SRBD1: variants seen among roughly 807,000 people sequenced by gnomAD.
SRBD1 encodes S1 RNA-binding domain-containing protein 1.
A neutral mutation model predicts 115.3 loss-of-function variants in SRBD1; 88 were observed. That is an observed-to-expected ratio of 0.76 (90% confidence interval 0.64 to 0.91). The LOEUF is 0.91. Ranked by LOEUF, SRBD1 falls within the 40% of genes least tolerant of loss-of-function variation. SRBD1 has a pLI of 0.00. For missense variants in SRBD1, 1,385 were observed against 1,177.4 expected (o/e 1.18, Z -2.58); for synonymous variants, 509 against 407.7 (o/e 1.25, Z -2.99).
At chr2:45,474,960 A>G (rs1362314587) in intron 16 of SRBD1, among the ~76,000 whole-genome samples, 6 of 152,208 alleles carry the variant, frequency 3.9e-5, no homozygotes, top group Admixed American at 2.6e-4. Flanking sequence ...TCATTAATTC[A>G]GCCCACCATC....
intron 14 of SRBD1, among the ~76,000 whole-genome samples, chr2:45,513,520 G>A (rs994709856): frequency 4.6e-5 from 7 of 151,812 alleles, no homozygotes; most frequent in Admixed American, 6.6e-5. Context: ...CATAAAAGTT[G>A]AAGAAGATGA....
intron 16 of SRBD1, among the ~76,000 whole-genome samples, chr2:45,465,420 A>G (rs1302687073): frequency 6.6e-6 from 1 of 152,136 alleles, no homozygotes. Flanking sequence ...GTGTATATAT[A>G]TATAAATGCA....
intron 7 of SRBD1, 89 bp downstream of exon 7, chr2:45,579,786 T>C (rs1673287909): frequency 3.2e-5 from 45 of 1,388,292 alleles, no homozygotes; most frequent in Non-Finnish European, 4.3e-5. Context: ...GTATAATCAG[T>C]ACTTAACAAA....
intron 9 of SRBD1, among the ~76,000 whole-genome samples, chr2:45,567,608 A>G (rs1051373320): frequency 1.2e-4 from 18 of 151,814 alleles, no homozygotes; most frequent in African/African-American, 3.6e-4. Flanking sequence ...GATACTGTCT[A>G]AGAAAAAAAA....
intron 3 of SRBD1, among the ~76,000 whole-genome samples, chr2:45,601,038 A>G (rs933278106): frequency 6.6e-6 from 1 of 152,164 alleles, no homozygotes; most frequent in African/African-American, 2.4e-5. Flanking sequence ...AAGATAAAAT[A>G]ACTCCCAGGC....
At chr2:45,400,684 C>G (rs3770243) in intron 19 of SRBD1, among the ~76,000 whole-genome samples, 95,275 of 151,572 alleles carry the variant, frequency 0.63, 30,484 homozygotes, top group Non-Finnish European at 0.69. Context: ...ACAAAAATAA[C>G]AGCAATAATA....
chr2:45,605,694 A>T, intron 1 of SRBD1, among the ~76,000 whole-genome samples: 1 of 152,282 alleles, frequency 6.6e-6, no homozygotes, highest in Admixed American at 6.5e-5. Context: ...ACCTGAAGTC[A>T]GGAGTTCGAG....
intron 16 of SRBD1, among the ~76,000 whole-genome samples, chr2:45,464,914 C>T (rs773632921): frequency 7.3e-5 from 11 of 149,736 alleles, no homozygotes; most frequent in Non-Finnish European, 8.9e-5. Context: ...GTGGTTTTAC[C>T]GACATCTTTA....
rs867513115 is a variant in SRBD1, at chr2:45,599,810, G to A, written c.287C>T (p.Thr96Ile). 2 of 1,613,218 alleles carry A rather than the reference G, an allele frequency of 1.2e-6. No individual in the cohort carries two copies. The highest frequency in any genetic ancestry group is 1.7e-6 in the Non-Finnish European group (2 of 1,179,904). Reference protein sequence around the residue: ...ELNSSVAIADTALEDRKNKLD... With the variant: ...ELNSSVAIADIALEDRKNKLD... Reference sequence around the variant, plus strand: ...TTTATTTTTTCTGTCTTCTAAAGCAGTATCAGCAATAGCCACAGAGCTATT... The same window carrying A: ...TTTATTTTTTCTGTCTTCTAAAGCAATATCAGCAATAGCCACAGAGCTATT... The change falls in exon 4 of 21, where the codon ACT becomes ATT. Residue 96 changes from threonine to isoleucine, a missense_variant. Transcript: ENST00000263736.
chr2:45,581,577 T>A, intron 6 of SRBD1, 116 bp downstream of exon 6: 1 of 704,308 alleles, frequency 1.4e-6, no homozygotes, highest in South Asian at 2.1e-5. Flanking sequence ...TTTGTTGCAT[T>A]AAATAATGGT....
intron 16 of SRBD1, among the ~76,000 whole-genome samples, chr2:45,460,651 G>T (rs1454865575): frequency 2.0e-5 from 3 of 152,146 alleles, no homozygotes; most frequent in African/African-American, 7.2e-5. Flanking sequence ...CAACTCCCAA[G>T]AATAACTTCT....
intron 19 of SRBD1, among the ~76,000 whole-genome samples, chr2:45,401,031 C>G (rs752628489): frequency 1.3e-4 from 20 of 152,158 alleles, no homozygotes; most frequent in Admixed American, 3.3e-4. Context: ...AATCCATAGC[C>G]TGATCATCTA....
chr2:45,425,760 A>AGCTGTGAGGGACCGT (rs1329642647), intron 16 of SRBD1, among the ~76,000 whole-genome samples: 8 of 152,194 alleles, frequency 5.3e-5, no homozygotes, highest in African/African-American at 1.9e-4. Context: ...AGCCAAGGGA[A>AGCTGTGAGGGACCGT]GCTGTGAGGG....
At chr2:45,601,850 T>C in intron 3 of SRBD1, 53 bp downstream of exon 3, 1 of 1,585,882 alleles carries the variant, frequency 6.3e-7, no homozygotes. Flanking sequence ...GAAAATAACA[T>C]CACCAATCAG....
chr2:45,523,015 TA>T (rs1012699723), intron 14 of SRBD1, among the ~76,000 whole-genome samples: 1 of 151,852 alleles, frequency 6.6e-6, no homozygotes, highest in Non-Finnish European at 1.5e-5. Flanking sequence ...TCTGAAATCT[TA>T]AAAAAACTTC....
intron 14 of SRBD1, among the ~76,000 whole-genome samples, chr2:45,503,828 G>A (rs932736969): frequency 2.6e-5 from 4 of 152,142 alleles, no homozygotes; most frequent in African/African-American, 7.2e-5. Flanking sequence ...AATCCAAAGA[G>A]GAGGAGGCTT....
intron 20 of SRBD1, among the ~76,000 whole-genome samples, chr2:45,390,970 C>T (rs1166689783): frequency 6.6e-6 from 1 of 152,138 alleles, no homozygotes; most frequent in African/African-American, 2.4e-5. Flanking sequence ...CAGGCTAAGG[C>T]TGTGTCAAAG....
intron 1 of SRBD1, among the ~76,000 whole-genome samples, chr2:45,607,726 T>G (rs1290346585): frequency 6.6e-6 from 1 of 152,170 alleles, no homozygotes; most frequent in Admixed American, 6.5e-5. Flanking sequence ...TATCTCTAAG[T>G]GTCCTACCTC....
chr2:45,428,555 AAAATAAAT>A (rs986693164), intron 16 of SRBD1, among the ~76,000 whole-genome samples: 10 of 150,488 alleles, frequency 6.6e-5, no homozygotes, highest in African/African-American at 1.7e-4. Flanking sequence ...CCGTCTCAAA[AAAATAAAT>A]AAATAAATAA....
Sources: allele counts gnomAD v4.1 joint callset (sites outside exome capture counted in the v4.1 genomes callset), GRCh38; gene constraint gnomAD v4.1.1; transcripts MANE v1.5; gene names NCBI Gene and HGNC (gene_info 2026-07-23, HGNC 2026-07-21).